Variants in DGKB observed in about 807,000 individuals in gnomAD.
DGKB encodes the protein diacylglycerol kinase beta, also known as 90 kDa diacylglycerol kinase.
Under a neutral mutation model 114.3 loss-of-function variants are expected in DGKB, and 67 were observed. The observed-to-expected ratio is 0.59, with a 90% CI of 0.48 to 0.72. DGKB has a LOEUF of 0.72. Among genes scored for constraint, DGKB ranks in the 30% least tolerant of loss-of-function variants. The pLI is 0.00. For missense variants in DGKB, 907 were observed against 975.2 expected (o/e 0.93, Z 0.93); for synonymous variants, 398 against 323.1 (o/e 1.23, Z -2.49).
intron 17 of DGKB, among the ~76,000 whole-genome samples, chr7:14,589,128 C>G (rs4721350): frequency 0.57 from 85,807 of 151,612 alleles, 25,140 homozygotes; most frequent in African/African-American, 0.72. Context: ...ATTTATTCTT[C>G]GTTGTTTTGT....
At chr7:14,527,860 G>A (rs529734424) in intron 20 of DGKB, among the ~76,000 whole-genome samples, 2 of 151,984 alleles carry the variant, frequency 1.3e-5, no homozygotes, top group South Asian at 4.1e-4. Flanking sequence ...TTCTTGCCAT[G>A]CAACAACTCA....
intron 2 of DGKB, among the ~76,000 whole-genome samples, chr7:14,784,260 C>T (rs934741432): frequency 2.0e-5 from 3 of 151,464 alleles, no homozygotes; most frequent in African/African-American, 7.3e-5. Flanking sequence ...TTTGGTTATA[C>T]TAGAGAGAAC....
Position 14,235,808 on chromosome 7 carries a change from T to A in DGKB, c.2123-57657A>T, listed in dbSNP as rs138910584. ...AAAAGACAATGTATTGATGTTTAGC[T>A]CCTTGAAACTAATTTAGCTGTTATG... On this transcript the variant is annotated intron_variant, in intron 23 of 25. Coordinates refer to ENST00000402815, the MANE Select transcript of DGKB (RefSeq NM_001350709.2). Among the ~76,000 whole-genome samples the A allele has an allele frequency of 2.6e-3, 402 of 152,158 alleles. 2 individuals are homozygous for A. Among genetic ancestry groups the A allele is most frequent in the African/African-American group, 9.3e-3 (388 of 41,558 alleles).
At position 14,686,196 on chromosome 7, in the gene DGKB, G is replaced by T. The variant is rs189111555; in HGVS notation, c.712-834C>A. Among the ~76,000 whole-genome samples the T allele has an allele frequency of 1.6e-3, 246 of 151,930 alleles. 2 individuals carry two copies. Among genetic ancestry groups the T allele is most frequent in the African/African-American group, 5.2e-3 (216 of 41,440 alleles). ...AACACTTTATTTTTTTCTCTTCTCA[G>T]TAAAACTCTCTATATCATAATAGCT... is the stretch of plus-strand genomic sequence containing the variant. On this transcript the variant is annotated intron_variant, in intron 9 of 25. Coordinates refer to ENST00000402815, the MANE Select transcript of DGKB (RefSeq NM_001350709.2).
intron 21 of DGKB, among the ~76,000 whole-genome samples, chr7:14,375,700 T>A (rs1302374591): frequency 1.3e-5 from 2 of 152,214 alleles, no homozygotes; most frequent in African/African-American, 4.8e-5. Context: ...CACGCTGGCA[T>A]TTCCTGCTTT....
At chr7:14,754,022 T>A in intron 3 of DGKB, 74 bp from the exon 4 acceptor site, 4 of 1,054,482 alleles carry the variant, frequency 3.8e-6, no homozygotes, top group Non-Finnish European at 5.6e-6. Context: ...ATATCTCTGA[T>A]TATTTAGCTA....
chr7:14,557,202 G>A (rs1796000392), intron 20 of DGKB, among the ~76,000 whole-genome samples: 1 of 152,188 alleles, frequency 6.6e-6, no homozygotes, highest in Non-Finnish European at 1.5e-5. Flanking sequence ...TCTTAGATGT[G>A]CTACCGCTTG....
At chr7:14,677,660 A>G (rs1490627589) in intron 12 of DGKB, among the ~76,000 whole-genome samples, 2 of 152,066 alleles carry the variant, frequency 1.3e-5, no homozygotes, top group Non-Finnish European at 1.5e-5. Context: ...GATTCACAAC[A>G]TGTTATACAA....
At chr7:14,874,590 C>T (rs1202382002) in intron 1 of DGKB, among the ~76,000 whole-genome samples, 13 of 151,072 alleles carry the variant, frequency 8.6e-5, no homozygotes, top group African/African-American at 1.5e-4. Flanking sequence ...GAAGGATATA[C>T]ACACACACAC....
At chr7:14,862,066 A>G (rs534660285) in intron 1 of DGKB, among the ~76,000 whole-genome samples, 6 of 152,132 alleles carry the variant, frequency 3.9e-5, no homozygotes, top group Admixed American at 6.5e-5. Flanking sequence ...GATCCATATG[A>G]AACGATACTG....
At chr7:14,330,456 T>C (rs1198668475) in intron 23 of DGKB, among the ~76,000 whole-genome samples, 1 of 152,014 alleles carries the variant, frequency 6.6e-6, no homozygotes, top group Non-Finnish European at 1.5e-5. Flanking sequence ...ATTTCATTTA[T>C]ATATTAGAAA....
intron 25 of DGKB, chr7:14,176,312 G>A: frequency 1.0e-6 from 1 of 971,466 alleles, no homozygotes; most frequent in Non-Finnish European, 1.2e-6. Flanking sequence ...TTTTTGAGAG[G>A]GGCAGTGTCT....
chr7:14,690,696 T>C (rs985126835), intron 9 of DGKB, among the ~76,000 whole-genome samples: 2 of 152,232 alleles, frequency 1.3e-5, no homozygotes, highest in African/African-American at 4.8e-5. Flanking sequence ...TATGGCCCCA[T>C]AGCCAAAATT....
chr7:14,272,388 G>A (rs528060181), intron 23 of DGKB, among the ~76,000 whole-genome samples: 27 of 152,158 alleles, frequency 1.8e-4, no homozygotes, highest in Admixed American at 9.2e-4. Flanking sequence ...AAAATTATAG[G>A]TTTGAAGAAA....
intron 22 of DGKB, among the ~76,000 whole-genome samples, chr7:14,343,431 A>T (rs942695646): frequency 6.6e-6 from 1 of 151,744 alleles, no homozygotes; most frequent in Admixed American, 6.6e-5. Flanking sequence ...GATCAAAACC[A>T]CTTAATTTTA....
intron 1 of DGKB, among the ~76,000 whole-genome samples, chr7:14,878,980 A>C (rs983635960): frequency 6.6e-6 from 1 of 151,146 alleles, no homozygotes; most frequent in Non-Finnish European, 1.5e-5. Flanking sequence ...TACCAAAATA[A>C]ATTTTATAGC....
intron 23 of DGKB, among the ~76,000 whole-genome samples, chr7:14,250,972 T>G (rs868720185): frequency 6.6e-6 from 1 of 152,200 alleles, no homozygotes; most frequent in African/African-American, 2.4e-5. Flanking sequence ...TATTATTATT[T>G]GCAGGAAATA....
At chr7:14,355,066 C>A (rs1814181076) in intron 21 of DGKB, among the ~76,000 whole-genome samples, 1 of 152,106 alleles carries the variant, frequency 6.6e-6, no homozygotes, top group South Asian at 2.1e-4. Flanking sequence ...AGCTAGACAG[C>A]AAATAGCAGA....
intron 23 of DGKB, among the ~76,000 whole-genome samples, chr7:14,189,156 G>A (rs878894423): frequency 2.0e-5 from 3 of 152,126 alleles, no homozygotes; most frequent in Admixed American, 1.3e-4. Context: ...GATATGATAC[G>A]TCTTTCAATC....
Sources: allele counts gnomAD v4.1 joint callset (sites outside exome capture counted in the v4.1 genomes callset), GRCh38; gene constraint gnomAD v4.1.1; transcripts MANE v1.5; gene names NCBI Gene and HGNC (gene_info 2026-07-23, HGNC 2026-07-21).